The following CDH9 variants were observed in gnomAD, a reference collection of about 807,000 sequenced individuals.
CDH9 encodes the protein cadherin-9.
Under a neutral mutation model 70.9 loss-of-function variants are expected in CDH9, and 28 were observed. The observed-to-expected ratio is 0.40, with a 90% CI of 0.29 to 0.54. The LOEUF is 0.54. Among genes scored for constraint, CDH9 ranks in the 20% least tolerant of loss-of-function variants. The pLI is 0.59. For missense variants in CDH9, 874 were observed against 984.4 expected, an observed-to-expected ratio of 0.89 and a Z score of 1.50; for synonymous variants, 409 against 343.1, an observed-to-expected ratio of 1.19 and a Z score of -2.12.
At chr5:26,937,380 G>A (rs1741577587) in intron 2 of CDH9, among the ~76,000 whole-genome samples, 1 of 152,058 alleles carries the variant, frequency 6.6e-6, no homozygotes, top group Admixed American at 6.6e-5. Flanking sequence ...ATGCCAGTAA[G>A]GATTTGGAGC....
intron 1 of CDH9, among the ~76,000 whole-genome samples, chr5:27,007,006 C>T (rs938855962): frequency 1.3e-5 from 2 of 151,904 alleles, no homozygotes; most frequent in Non-Finnish European, 2.9e-5. Flanking sequence ...ATTTAATCTA[C>T]TGAGAAAATG....
At chr5:26,964,278 C>G (rs1742090372) in intron 2 of CDH9, among the ~76,000 whole-genome samples, 1 of 151,980 alleles carries the variant, frequency 6.6e-6, no homozygotes, top group Admixed American at 6.6e-5. Context: ...CTATATTTCA[C>G]TAAAGCCAGG....
At chr5:27,014,644 G>T (rs988298485) in intron 1 of CDH9, among the ~76,000 whole-genome samples, 4 of 151,594 alleles carry the variant, frequency 2.6e-5, no homozygotes, top group Non-Finnish European at 5.9e-5. Flanking sequence ...TTATATACCA[G>T]ATAAACATAT....
At chr5:26,928,942 G>A (rs1741393014) in intron 2 of CDH9, among the ~76,000 whole-genome samples, 1 of 151,900 alleles carries the variant, frequency 6.6e-6, no homozygotes, top group Non-Finnish European at 1.5e-5. Flanking sequence ...GCAAAAATTA[G>A]TTAAGCAATA....
chr5:26,997,287 G>A (rs1453743932), intron 1 of CDH9, among the ~76,000 whole-genome samples: 1 of 151,994 alleles, frequency 6.6e-6, no homozygotes, highest in East Asian at 1.9e-4. Flanking sequence ...GTGTGTGTGT[G>A]TGTGTATATA....
At chr5:26,942,294 C>G (rs771363558) in intron 2 of CDH9, among the ~76,000 whole-genome samples, 29 of 152,176 alleles carry the variant, frequency 1.9e-4, no homozygotes, top group Non-Finnish European at 8.8e-5. Context: ...TCAATTACTT[C>G]CCACTGGGTC....
chr5:26,923,952 A>T (rs941982188), intron 2 of CDH9, among the ~76,000 whole-genome samples: 1 of 152,038 alleles, frequency 6.6e-6, no homozygotes, highest in Non-Finnish European at 1.5e-5. Context: ...AAAAAAGTAG[A>T]AACACTTCAA....
intron 2 of CDH9, among the ~76,000 whole-genome samples, chr5:26,971,900 A>G (rs1742225786): frequency 6.6e-6 from 1 of 152,228 alleles, no homozygotes; most frequent in African/African-American, 2.4e-5. Flanking sequence ...TCAGATGAAC[A>G]CCTTTTAAAT....
intron 2 of CDH9, among the ~76,000 whole-genome samples, chr5:26,926,772 G>A (rs1220954784): frequency 6.6e-6 from 1 of 151,812 alleles, no homozygotes; most frequent in Non-Finnish European, 1.5e-5. Context: ...ACAGAACAGA[G>A]GCCTCAGAAA....
intron 2 of CDH9, among the ~76,000 whole-genome samples, chr5:26,948,122 G>T (rs529079499): frequency 3.3e-5 from 5 of 152,178 alleles, no homozygotes; most frequent in African/African-American, 9.6e-5. Context: ...ATCAAAGGGA[G>T]ACTTAATTTA....
chr5:26,966,342 T>C (rs948471561), intron 2 of CDH9, among the ~76,000 whole-genome samples: 8 of 152,184 alleles, frequency 5.3e-5, no homozygotes, highest in African/African-American at 1.9e-4. Flanking sequence ...CCAAGAAGGC[T>C]CTAATAAAAC....
chr5:26,987,168 A>G (rs1742503244), intron 2 of CDH9, among the ~76,000 whole-genome samples: 1 of 147,758 alleles, frequency 6.8e-6, no homozygotes, highest in African/African-American at 2.5e-5. Flanking sequence ...GTCAAACAAT[A>G]TGCAAACCAT....
chr5:26,993,539 G>A (rs1033532101), intron 1 of CDH9, among the ~76,000 whole-genome samples: 1 of 151,890 alleles, frequency 6.6e-6, no homozygotes. Context: ...AATGTCTTTT[G>A]ATAAAGGGGT....
intron 1 of CDH9, among the ~76,000 whole-genome samples, chr5:27,031,363 C>A (rs73078139): frequency 0.014 from 2,189 of 151,916 alleles, 50 homozygotes; most frequent in African/African-American, 0.051. Context: ...GGATACATTT[C>A]TTCAAATAGA....
At chr5:26,986,348 T>C (rs537685787) in intron 2 of CDH9, among the ~76,000 whole-genome samples, 172 of 151,992 alleles carry the variant, frequency 1.1e-3, no homozygotes, top group Non-Finnish European at 2.1e-3. Flanking sequence ...ATGAAAAAAA[T>C]ATGAAAGGTA....
intron 3 of CDH9, among the ~76,000 whole-genome samples, chr5:26,910,891 C>A (rs1741041846): frequency 6.6e-6 from 1 of 152,164 alleles, no homozygotes. Context: ...GTGCCCTTGA[C>A]ATAAATGTTT....
chr5:26,969,731 T>C (rs1026827628), intron 2 of CDH9, among the ~76,000 whole-genome samples: 2 of 151,994 alleles, frequency 1.3e-5, no homozygotes, highest in African/African-American at 4.8e-5. Context: ...GTATTGATAC[T>C]TCAATAACTC....
intron 1 of CDH9, among the ~76,000 whole-genome samples, chr5:27,037,248 C>T (rs1743409698): frequency 6.6e-6 from 1 of 151,814 alleles, no homozygotes; most frequent in African/African-American, 2.4e-5. Flanking sequence ...TTTTTGATGT[C>T]ACAAAGTCAT....
chr5:27,003,213 C>G (rs979756281), intron 1 of CDH9, among the ~76,000 whole-genome samples: 1 of 152,068 alleles, frequency 6.6e-6, no homozygotes, highest in Non-Finnish European at 1.5e-5. Flanking sequence ...TTTCAGATTT[C>G]AGAGTTTTGA....
Sources: gnomAD v4.1 joint callset for allele counts (sites outside exome capture counted in the v4.1 genomes callset) on GRCh38, gnomAD v4.1.1 for gene constraint, MANE v1.5 for transcripts, NCBI Gene and HGNC (gene_info 2026-07-23, HGNC 2026-07-21) for gene names.